Variants in CYP4F12 observed in about 807,000 individuals in gnomAD.
CYP4F12 encodes cytochrome P450 family 4 subfamily F member 12.
Under a neutral mutation model 56.5 loss-of-function variants are expected in CYP4F12, and 60 were observed. The ratio of observed to expected loss-of-function variants is 1.06; its 90% CI spans 0.86 to 1.32. The LOEUF is 1.32. Among genes scored for constraint, CYP4F12 ranks in the 40% most tolerant of loss-of-function variants. CYP4F12 has a pLI of 0.00. For synonymous variants in CYP4F12, 263 were observed against 264.9 expected (o/e 0.99, Z 0.07); for missense variants, 711 against 683.5 (o/e 1.04, Z -0.45).
At position 15,696,465 on chromosome 19, in the gene CYP4F12, CAAGGGGAGG is replaced by C; in HGVS notation, c.1351_1359del (p.Lys451_Arg453del). 1 of 1,614,138 alleles carries C rather than the reference CAAGGGGAGG, an allele frequency of 6.2e-7. No individual in the cohort carries two copies. On this transcript the variant is annotated inframe_deletion, in exon 12 of 13. Transcript: ENST00000550308. ...CCTTCCGCTTTGACCCAGAGAACAGCAAGGGGAGGTCACCTCTGGCTTTTATTCCTTTCT... is the reference window on the plus strand; with the variant it reads ...CCTTCCGCTTTGACCCAGAGAACAGCTCACCTCTGGCTTTTATTCCTTTCT...
chr19:15,686,056 C>A (rs1254418704), intron 9 of CYP4F12, among the ~76,000 whole-genome samples: 1 of 152,180 alleles, frequency 6.6e-6, no homozygotes, highest in Non-Finnish European at 1.5e-5. Flanking sequence ...CAGGTACTCC[C>A]AGCCTAGTAG....
At position 15,696,465 on chromosome 19, in the gene CYP4F12, C is replaced by A; in HGVS notation, c.1350C>A (p.Ser450Arg). 6.2e-7 allele frequency: 1 copy of A among 1,614,138 alleles called. No individual in the cohort carries two copies. The highest frequency in any genetic ancestry group is 8.5e-7 in the Non-Finnish European group (1 of 1,180,038). ...YDPFRFDPEN[S>R]KGRSPLAFIP... The stretch of plus-strand genomic sequence containing the variant: ...CCTTCCGCTTTGACCCAGAGAACAG[C>A]AAGGGGAGGTCACCTCTGGCTTTTA... The change falls in exon 12 of 13, where the codon AGC (serine) becomes AGA (arginine). Residue 450 changes from serine (S) to arginine (R), a missense_variant. Ser to Arg is a moderately radical substitution (Grantham distance 110). Transcript: ENST00000550308.
rs1029303921 is a variant in CYP4F12 at position 15,680,474 on chromosome 19, G to A, written c.480G>A (p.Leu160=). 4 of 1,614,160 alleles carry A rather than the reference G, an allele frequency of 2.5e-6. No homozygotes were observed. In the Middle Eastern group the frequency reaches 4.9e-4, roughly 200 times the overall value. Residue 160 remains leucine, a synonymous_variant, in exon 5 of 13, where the codon CTG becomes CTA. Coordinates refer to ENST00000550308, the MANE Select transcript of CYP4F12 (RefSeq NM_023944.4). ...MLTPAFHFNI[L]KSYITIFNKS... The stretch of plus-strand genomic sequence containing the variant: ...CGCCCGCCTTCCATTTCAACATCCT[G>A]AAGTCCTATATAACGATCTTCAACA...
At chr19:15,684,726 T>C in intron 7 of CYP4F12, 90 bp from the exon 8 acceptor site, 1 of 1,281,560 alleles carries the variant, frequency 7.8e-7, no homozygotes, top group Non-Finnish European at 1.1e-6. Flanking sequence ...TATCTCAGGT[T>C]AGACTCCGGA....
intron 5 of CYP4F12, chr19:15,680,937 G>C (rs2007264292): frequency 3.2e-6 from 1 of 308,838 alleles, no homozygotes; most frequent in Non-Finnish European, 6.3e-6. Context: ...TGTGGGTCGG[G>C]GGGCAGCTTT....
intron 11 of CYP4F12, 35 bp downstream of exon 11, chr19:15,696,260 T>C: frequency 6.2e-7 from 1 of 1,613,280 alleles, no homozygotes; most frequent in Non-Finnish European, 8.5e-7. Flanking sequence ...ACCACCCCCA[T>C]CCTCTACTTT....
chr19:15,681,028 G>GT (rs1455134253), intron 5 of CYP4F12: 1 of 183,342 alleles, frequency 5.5e-6, no homozygotes, highest in Non-Finnish European at 1.2e-5. Context: ...TGTGACACCT[G>GT]GACTTTCCCC....
intron 9 of CYP4F12, among the ~76,000 whole-genome samples, chr19:15,695,725 A>T (rs1233593479): frequency 6.6e-6 from 1 of 152,004 alleles, no homozygotes; most frequent in Non-Finnish European, 1.5e-5. Context: ...TCCTCAGAGT[A>T]TTTATTTTTA....
At chr19:15,675,772 T>C (rs62106464) in intron 2 of CYP4F12, among the ~76,000 whole-genome samples, 141,068 of 152,154 alleles carry the variant, frequency 0.93, 65,457 homozygotes, top group East Asian at 1. Context: ...CCACATCCGG[T>C]GGCTGTGGGG....
chr19:15,683,959 G>A lies in CYP4F12; in HGVS notation c.918+196G>A, dbSNP rs630133. 9.4e-3 allele frequency: 5,104 copies of A among 540,684 alleles called. 43 individuals are homozygous for A. Among genetic ancestry groups the A allele is most frequent in the African/African-American group, 0.089 (4,631 of 51,778 alleles). 33.5% of individuals were successfully genotyped at this position (540,684 alleles called of 1,614,324 possible). On this transcript the variant is annotated intron_variant, in intron 7 of 12. Coordinates refer to ENST00000550308, the MANE Select transcript of CYP4F12 (RefSeq NM_023944.4). The stretch of plus-strand genomic sequence containing the variant: ...GGCACTGCTAATTCTGAAACTGTGA[G>A]GAGCATGATATTTTATTCAACTTAT...
intron 9 of CYP4F12, among the ~76,000 whole-genome samples, chr19:15,691,912 G>A (rs568750912): frequency 3.3e-5 from 5 of 152,124 alleles, no homozygotes; most frequent in African/African-American, 9.6e-5. Context: ...GAATGCATCC[G>A]TTTTTATGGC....
At chr19:15,691,661 T>C (rs894138701) in intron 9 of CYP4F12, among the ~76,000 whole-genome samples, 2 of 152,188 alleles carry the variant, frequency 1.3e-5, no homozygotes, top group African/African-American at 4.8e-5. Flanking sequence ...TCTTTTTTCT[T>C]ATTTACTTAT....
chr19:15,679,681 A>G (rs534074628), intron 3 of CYP4F12, among the ~76,000 whole-genome samples: 14 of 152,248 alleles, frequency 9.2e-5, no homozygotes, highest in South Asian at 8.3e-4. Context: ...AGCTTGTCCA[A>G]GGTCTGGGAG....
chr19:15,673,733 T>C lies in CYP4F12; in HGVS notation c.198+6T>C. 6.2e-7 allele frequency: 1 copy of C among 1,613,684 alleles called. No homozygotes were observed. The highest frequency in any genetic ancestry group is 8.5e-7 in the Non-Finnish European group (1 of 1,179,820). The stretch of plus-strand genomic sequence containing the variant: ...TTTGGGGTCACCTGGGCCTGGTGAG[T>C]GTGACAGCAAAATGTGTCTGGGGTC... On this transcript the variant is annotated splice_donor_region_variant and intron_variant, in intron 2 of 12. Transcript: ENST00000550308.
rs755876085 is a variant in CYP4F12, at chr19:15,683,640, C to G, written c.795C>G (p.Asp265Glu). 1 of 1,614,070 alleles carries G rather than the reference C, an allele frequency of 6.2e-7. No individual in the cohort carries two copies. The highest frequency in any genetic ancestry group is 8.5e-7 in the Non-Finnish European group (1 of 1,179,980). ...RFHRACRLVH[D>E]FTDAVIRERR... Reference sequence around the variant, plus strand: ...ACAGGGCCTGCCGCCTGGTGCATGACTTCACAGACGCTGTCATCCGGGAGC... The same window carrying G: ...ACAGGGCCTGCCGCCTGGTGCATGAGTTCACAGACGCTGTCATCCGGGAGC... The change falls in exon 7 of 13, where the codon GAC becomes GAG. Residue 265 changes from aspartate (D) to glutamate (E), a missense_variant. Asp to Glu is a conservative substitution (Grantham distance 45). Transcript: ENST00000550308.
rs1192752431 is a variant in CYP4F12 at position 15,682,458 on chromosome 19, A to G, written c.595A>G (p.Thr199Ala). Residue 199 changes from threonine (T) to alanine (A), a missense_variant, in exon 6 of 13, where the codon ACC becomes GCC. Transcript: ENST00000550308. ...CATGTTTGAGCACATCAGCCTCATG[A>G]CCTTGGACAGTCTACAGAAATGCAT... ...LDMFEHISLM[T>A]LDSLQKCIFS... The G allele has an allele frequency of 6.2e-7, 1 of 1,613,978 alleles. No homozygotes were observed. Among genetic ancestry groups the G allele is most frequent in the South Asian group, 1.1e-5 (1 of 91,086 alleles).
chr19:15,696,294 A>T, intron 11 of CYP4F12, 69 bp downstream of exon 11: 1 of 1,611,752 alleles, frequency 6.2e-7, no homozygotes, highest in African/African-American at 1.3e-5. Context: ...GTGAATTCCA[A>T]GGTTCCTAGT....
At chr19:15,692,900 T>G (rs640914) in intron 9 of CYP4F12, among the ~76,000 whole-genome samples, 1 of 149,512 alleles carries the variant, frequency 6.7e-6, no homozygotes, top group East Asian at 2.1e-4. Context: ...TTGGGGAAAC[T>G]CCATCTCTAC....
At chr19:15,696,788 C>T (rs2008162190) in intron 12 of CYP4F12, 120 bp from the exon 13 acceptor site, 1 of 1,345,452 alleles carries the variant, frequency 7.4e-7, no homozygotes, top group East Asian at 2.5e-5. Context: ...CACGCTTAGT[C>T]TTTCTCTCTC....
Sources: allele counts gnomAD v4.1 joint callset (sites outside exome capture counted in the v4.1 genomes callset), GRCh38; gene constraint gnomAD v4.1.1; transcripts MANE v1.5; gene names NCBI Gene and HGNC (gene_info 2026-07-23, HGNC 2026-07-21).